DNAH9: variants seen among roughly 807,000 people sequenced by gnomAD.
DNAH9 encodes the protein DNAH9 variant protein.
DNAH9 carries 345 observed loss-of-function variants against 471.6 expected under a neutral mutation model. The observed-to-expected ratio is 0.73, with a 90% CI of 0.67 to 0.80. The LOEUF (loss-of-function observed/expected upper bound fraction) is 0.80. Ranked by LOEUF, DNAH9 falls within the 30% of genes least tolerant of loss-of-function variation. The pLI is 0.00. For synonymous variants in DNAH9, 2,093 were observed against 2,123.6 expected (o/e 0.99, Z 0.40); for missense variants, 5,407 against 5,609.2 (o/e 0.96, Z 1.15).
intron 48 of DNAH9, among the ~76,000 whole-genome samples, chr17:11,825,724 T>C (rs2150944882): frequency 6.6e-6 from 1 of 152,354 alleles, no homozygotes; most frequent in African/African-American, 2.4e-5. Flanking sequence ...AGTGATAGTA[T>C]GGAAGCTTTA....
chr17:11,935,298 T>G (rs1974668752), intron 65 of DNAH9, among the ~76,000 whole-genome samples: 1 of 151,882 alleles, frequency 6.6e-6, no homozygotes, highest in Admixed American at 6.6e-5. Context: ...CGGTCTTTTA[T>G]GTTACTATTA....
rs59451439 is a variant in DNAH9 at position 11,632,888 on chromosome 17, G to A, written c.1635+185G>A. Among the ~76,000 whole-genome samples the A allele has an allele frequency of 0.092, 14,002 of 152,094 alleles. 1,677 individuals carry two copies. Among genetic ancestry groups the A allele is most frequent in the African/African-American group, 0.28 (11,755 of 41,426 alleles). On this transcript the variant is annotated intron_variant, in intron 8 of 68. Transcript: ENST00000262442. ...AAGTGTGCAGAATTGGGATTCTCAG[G>A]CTAATTACTTATGCTTTCCTGAAAA...
At chr17:11,841,330 C>G (rs576607365) in intron 49 of DNAH9, among the ~76,000 whole-genome samples, 1 of 152,096 alleles carries the variant, frequency 6.6e-6, no homozygotes, top group Non-Finnish European at 1.5e-5. Flanking sequence ...CAAAGAGGCT[C>G]TGGGAACCTC....
intron 67 of DNAH9, among the ~76,000 whole-genome samples, chr17:11,953,570 G>A (rs1283736572): frequency 6.6e-6 from 1 of 152,102 alleles, no homozygotes; most frequent in African/African-American, 2.4e-5. Flanking sequence ...CCAGCACTTT[G>A]GGAGGCTGAG....
chr17:11,946,125 G>A (rs1460894683), intron 67 of DNAH9, among the ~76,000 whole-genome samples: 21 of 149,976 alleles, frequency 1.4e-4, no homozygotes, highest in Non-Finnish European at 2.5e-4. Context: ...GTTTGAACCC[G>A]GGAGGTGGAG....
intron 15 of DNAH9, 113 bp downstream of exon 15, chr17:11,665,081 A>AC: frequency 1.1e-6 from 1 of 921,348 alleles, no homozygotes; most frequent in Non-Finnish European, 1.7e-6. Flanking sequence ...AAAACGTTGT[A>AC]GACCTTTTGT....
rs191732050 is a variant in DNAH9, at chr17:11,690,069, A to C, written c.4247A>C (p.Tyr1416Ser). The C allele has an allele frequency of 6.2e-7, 1 of 1,614,184 alleles. No individual in the cohort carries two copies. The change falls in exon 20 of 69, where the codon TAT (tyrosine) becomes TCT (serine). Residue 1416 changes from tyrosine (Y) to serine (S), a missense_variant. By Grantham distance (144) the Tyr-to-Ser change is moderately radical. Around this residue, in one of 3 missense-constraint regions of DNAH9, gnomAD observed 4,636 missense variants for 4,900.3 expected, o/e 0.95. Coordinates refer to ENST00000262442, the MANE Select transcript of DNAH9 (RefSeq NM_001372.4). ...CTGCTGCAGCTCCAGCTGCACCACT[A>C]TGAGGATGAGGTCCGGGGCATTGTG... ...AHLLQLQLHH[Y>S]EDEVRGIVDK...
chr17:11,806,843 G>A (rs1421983455), intron 43 of DNAH9, among the ~76,000 whole-genome samples: 1 of 152,078 alleles, frequency 6.6e-6, no homozygotes, highest in Non-Finnish European at 1.5e-5. Flanking sequence ...GAGAAAATCA[G>A]GGTTCTTTTT....
rs569432160 is a variant in DNAH9, at chr17:11,864,288, T to C, written c.9934-4846T>C. 1.2e-3 allele frequency among the ~76,000 whole-genome samples: 186 copies of C among 152,040 alleles called. 1 individual carries two copies. Among genetic ancestry groups the C allele is most frequent in the African/African-American group, 4.3e-3 (177 of 41,472 alleles). ...CTTCATTTCGTTATGTACCCAGTAG[T>C]CATTCAGGAGCAGGTTGTTCAGTTT... On this transcript the variant is annotated intron_variant, in intron 50 of 68. Transcript: ENST00000262442.
chr17:11,768,271 G>A (rs961810419), intron 36 of DNAH9, among the ~76,000 whole-genome samples, 182 bp from the exon 37 acceptor site: 2 of 152,160 alleles, frequency 1.3e-5, no homozygotes, highest in East Asian at 3.9e-4. Flanking sequence ...TGCGTAGTCC[G>A]GCTTGGTCAG....
In DNAH9 at chr17:11,854,067, C is replaced by T. The variant is rs1011796626; in HGVS notation, c.9572C>T (p.Ala3191Val). The T allele has an allele frequency of 5.6e-6, 9 of 1,614,148 alleles. No homozygotes were observed. The highest frequency in any genetic ancestry group is 7.6e-6 in the Non-Finnish European group (9 of 1,180,032). The change falls in exon 50 of 69, where the codon GCG becomes GTG. Residue 3191 changes from alanine (A) to valine (V), a missense_variant. Transcript: ENST00000262442. ...PPLAVSNVSA[A>V]VMVLMAPRGR... ...CTGGCCGTCAGCAATGTCAGCGCTG[C>T]GGTGATGGTACTGATGGCTCCCAGG...
chr17:11,645,873 C>CTTTTTTTTTT (rs1205010044), intron 11 of DNAH9, among the ~76,000 whole-genome samples: 20 of 138,724 alleles, frequency 1.4e-4, no homozygotes, highest in African/African-American at 5.4e-4. Flanking sequence ...TTCTCTTTTT[C>CTTTTTTTTTT]TTTTTCTTTT....
intron 10 of DNAH9, among the ~76,000 whole-genome samples, chr17:11,642,695 G>A (rs552347772): frequency 1.3e-5 from 2 of 152,286 alleles, no homozygotes; most frequent in African/African-American, 2.4e-5. Flanking sequence ...TCGGCCACAC[G>A]CCCACGTGAG....
At chr17:11,679,601 A>G (rs1295494788) in intron 17 of DNAH9, among the ~76,000 whole-genome samples, 156 bp from the exon 18 acceptor site, 1 of 152,230 alleles carries the variant, frequency 6.6e-6, no homozygotes, top group Non-Finnish European at 1.5e-5. Flanking sequence ...CCATATTCTT[A>G]ACATCAGAGC....
chr17:11,818,404 G>C (rs983198442), intron 45 of DNAH9, among the ~76,000 whole-genome samples: 1 of 151,116 alleles, frequency 6.6e-6, no homozygotes, highest in Non-Finnish European at 1.5e-5. Flanking sequence ...ACTCCAGCCT[G>C]GTGACAGAGC....
At chr17:11,690,465 C>A in intron 20 of DNAH9, 29 bp downstream of exon 20, 1 of 1,595,856 alleles carries the variant, frequency 6.3e-7, no homozygotes, top group South Asian at 1.1e-5. Flanking sequence ...TAGAATCTCT[C>A]TATTCTCTGA....
chr17:11,694,341 C>T lies in DNAH9; in HGVS notation c.4766C>T (p.Ala1589Val). Reference sequence around the variant, plus strand: ...CTCAGATTGTGCCTGTGTGAGAAGGCCCTGGCAGAGTACCTCGACACCAAG... The same window carrying T: ...CTCAGATTGTGCCTGTGTGAGAAGGTCCTGGCAGAGTACCTCGACACCAAG... ...IQGRLCLCEK[A>V]LAEYLDTKRL... The change falls in exon 22 of 69, where the codon GCC becomes GTC. Residue 1589 changes from alanine (A) to valine (V), a missense_variant. Physicochemically the swap from Ala to Val is moderately conservative, Grantham distance 64. Around this residue, in one of 3 missense-constraint regions of DNAH9, gnomAD observed 4,636 missense variants for 4,900.3 expected, o/e 0.95. Transcript: ENST00000262442. 6.2e-7 allele frequency: 1 copy of T among 1,613,818 alleles called. No homozygotes were observed. The highest frequency in any genetic ancestry group is 1.3e-5 in the African/African-American group (1 of 74,962).
In DNAH9 at chr17:11,780,989, C is replaced by T. The variant is rs778130061; in HGVS notation, c.7553-20C>T. On this transcript the variant is annotated intron_variant, in intron 38 of 68. Transcript: ENST00000262442. ...CTGAGATTTGAGCCGCCTTCCCTCA[C>T]CGACTGGCTCTCTCCCCAGCTGTCC... 6 of 1,610,218 alleles carry T rather than the reference C, an allele frequency of 3.7e-6. No homozygotes were observed. In the Admixed American group the frequency reaches 8.4e-5, roughly 23 times the overall value.
At chr17:11,645,197 CCTT>C (rs1413162799) in intron 11 of DNAH9, among the ~76,000 whole-genome samples, 137 of 152,332 alleles carry the variant, frequency 9.0e-4, no homozygotes, top group African/African-American at 3.2e-3. Flanking sequence ...CTTGATTTCT[CCTT>C]CTGCCATTTG....
Sources: allele counts gnomAD v4.1 joint callset (sites outside exome capture counted in the v4.1 genomes callset), GRCh38; gene constraint gnomAD v4.1.1; regional missense constraint gnomAD v4.1.1; transcripts MANE v1.5; gene names NCBI Gene and HGNC (gene_info 2026-07-23, HGNC 2026-07-21).